The following SPATA13 variants were observed in gnomAD, a reference collection of about 807,000 sequenced individuals.
SPATA13 encodes the protein spermatogenesis associated 13.
In SPATA13, 50 loss-of-function variants were observed where a neutral mutation model predicts 104.0. That is an observed-to-expected ratio of 0.48 (90% CI 0.38 to 0.61). The LOEUF (loss-of-function observed/expected upper bound fraction) is 0.61, where lower values mean the gene tolerates loss of function less well. Among genes scored for constraint, SPATA13 ranks in the 20% least tolerant of loss-of-function variants. SPATA13 has a pLI of 0.00. For synonymous variants in SPATA13, 606 were observed against 667.5 expected (o/e 0.91, Z 1.42); for missense variants, 1,524 against 1,690.6 (o/e 0.90, Z 1.73).
rs1017278128 is a variant in SPATA13, at chr13:24,088,872, C to T, written c.-112+71171C>T. Reference sequence around the variant, plus strand: ...GTCCCCAAGGCTGGCTCCAGGAAAGCGCAAGCAAGGGCTCCTGGGTCCACT... The same window carrying T: ...GTCCCCAAGGCTGGCTCCAGGAAAGTGCAAGCAAGGGCTCCTGGGTCCACT... On this transcript the variant is annotated intron_variant, in intron 3 of 14. Transcript: ENST00000424834. The surrounding 1 kb of genome is among the most constrained non-coding windows in gnomAD (Gnocchi z 4.3). 1.3e-5 allele frequency among the ~76,000 whole-genome samples: 2 copies of T among 152,128 alleles called. No individual in the cohort carries two copies. Among genetic ancestry groups the T allele is most frequent in the East Asian group, 1.9e-4 (1 of 5,194 alleles).
At position 24,103,616 on chromosome 13, in the gene SPATA13, T is replaced by C. The variant is rs144478923; in HGVS notation, c.-112+85915T>C. Reference sequence around the variant, plus strand: ...AGCACCAAAATGTTACTTAAACATATAGCTTGTATAACTGTCTATATATAA... The same window carrying C: ...AGCACCAAAATGTTACTTAAACATACAGCTTGTATAACTGTCTATATATAA... On this transcript the variant is annotated intron_variant, in intron 3 of 14. Transcript: ENST00000424834. 2.4e-3 allele frequency among the ~76,000 whole-genome samples: 371 copies of C among 151,810 alleles called. 2 individuals carry two copies. Among genetic ancestry groups the C allele is most frequent in the African/African-American group, 8.6e-3 (356 of 41,382 alleles).
chr13:23,995,803 A>C (rs964870819), intron 2 of SPATA13, among the ~76,000 whole-genome samples: 1 of 151,534 alleles, frequency 6.6e-6, no homozygotes, highest in African/African-American at 2.4e-5. Flanking sequence ...GAAGGGCATA[A>C]AAATTCAGAT....
At chr13:24,234,223 G>C (rs1426770769) in intron 2 of SPATA13, among the ~76,000 whole-genome samples, 2 of 152,178 alleles carry the variant, frequency 1.3e-5, no homozygotes, top group Non-Finnish European at 2.9e-5. Flanking sequence ...TTTAAGAAAT[G>C]ATAGGAAGCA....
chr13:24,140,735 A>G, intron 3 of SPATA13, among the ~76,000 whole-genome samples: 1 of 152,242 alleles, frequency 6.6e-6, no homozygotes, highest in East Asian at 1.9e-4. Context: ...GTATTATATA[A>G]TGAAGTGAAC....
In SPATA13 at chr13:24,065,829, A is replaced by G. The variant is rs527454309; in HGVS notation, c.-112+48128A>G. Among the ~76,000 whole-genome samples, 121 of 152,318 alleles carry G rather than the reference A, an allele frequency of 7.9e-4. 1 individual carries two copies. The highest frequency in any genetic ancestry group is 1.5e-3 in the Non-Finnish European group (104 of 68,034). On this transcript the variant is annotated intron_variant, in intron 3 of 14. Coordinates refer to the SPATA13 transcript ENST00000424834. ...GTCATTCTCAACTAAGTTTTTAAAA[A>G]TATTTCTAAGTTCTAAAGCATGGGC...
intron 3 of SPATA13, among the ~76,000 whole-genome samples, chr13:24,037,344 A>C (rs925906566): frequency 6.6e-6 from 1 of 151,972 alleles, no homozygotes; most frequent in African/African-American, 2.4e-5. Context: ...CTAGAACTTA[A>C]AGTATAATTT....
At chr13:24,243,497 G>A (rs1042331478) in intron 2 of SPATA13, among the ~76,000 whole-genome samples, 2 of 152,230 alleles carry the variant, frequency 1.3e-5, no homozygotes, top group Non-Finnish European at 2.9e-5. Context: ...GAGAGGCAGA[G>A]GTTTTGAAGC....
chr13:24,241,414 G>A (rs1179870098), intron 2 of SPATA13, among the ~76,000 whole-genome samples: 5 of 151,912 alleles, frequency 3.3e-5, no homozygotes, highest in African/African-American at 4.8e-5. Flanking sequence ...TTGAACAGGC[G>A]CATTTGTGAG....
chr13:24,138,789 G>T (rs917386043), intron 3 of SPATA13, among the ~76,000 whole-genome samples: 3 of 138,450 alleles, frequency 2.2e-5, no homozygotes, highest in Non-Finnish European at 4.5e-5. Context: ...ATGGGCTCTC[G>T]CTATGTTGCT....
chr13:24,099,566 G>T (rs867402961), intron 3 of SPATA13, among the ~76,000 whole-genome samples: 4 of 152,188 alleles, frequency 2.6e-5, no homozygotes, highest in Non-Finnish European at 5.9e-5. Flanking sequence ...ACAAGCACTG[G>T]CCTCACAGCG....
intron 1 of SPATA13, among the ~76,000 whole-genome samples, chr13:24,215,843 C>G (rs1180108208): frequency 6.6e-6 from 1 of 152,122 alleles, no homozygotes; most frequent in Non-Finnish European, 1.5e-5. Context: ...TTAGGGCCAT[C>G]CATCTGGAAA....
At chr13:24,140,036 G>T (rs2031157) in intron 3 of SPATA13, among the ~76,000 whole-genome samples, 143,364 of 150,628 alleles carry the variant, frequency 0.95, 68,250 homozygotes, top group South Asian at 0.97. Context: ...GCCACTGCAC[G>T]CCAGCCTGGG....
Position 24,287,000 on chromosome 13 carries a change from T to G in SPATA13, c.2667+50T>G. The G allele has an allele frequency of 6.5e-7, 1 of 1,547,586 alleles. No individual in the cohort carries two copies. Among genetic ancestry groups the G allele is most frequent in the East Asian group, 2.3e-5 (1 of 43,784 alleles). On this transcript the variant is annotated intron_variant, in intron 7 of 12. Transcript: ENST00000382108. The surrounding 1 kb of genome is among the most constrained non-coding windows in gnomAD (Gnocchi z 4.9). ...CTGAGGGTCACAGTATGAGGCTGCA[T>G]GAGGTGCCTGGGCTTTCTCCCCACC... is the stretch of plus-strand genomic sequence containing the variant.
At chr13:24,115,439 C>T (rs1471939518) in intron 3 of SPATA13, among the ~76,000 whole-genome samples, 2 of 152,264 alleles carry the variant, frequency 1.3e-5, no homozygotes, top group Admixed American at 1.3e-4. Context: ...TCATCAGGGG[C>T]ATTAGATTCT....
chr13:24,294,747 G>A lies in SPATA13; in HGVS notation c.3089G>A (p.Ser1030Asn). ...KYTTQEHGDYSNIKAAYEAMK... is the reference protein window; with the variant it reads ...KYTTQEHGDYNNIKAAYEAMK... Reference sequence around the variant, plus strand: ...AACCTCCCATCTTGCAGTGATTACAGCAACATAAAGGCAGCATATGAGGCC... The same window carrying A: ...AACCTCCCATCTTGCAGTGATTACAACAACATAAAGGCAGCATATGAGGCC... The change falls in exon 10 of 13, where the codon AGC (serine) becomes AAC (asparagine). Residue 1030 changes from serine (S) to asparagine (N), a missense_variant. Coordinates refer to ENST00000382108, the MANE Select transcript of SPATA13 (RefSeq NM_001166271.3). The A allele has an allele frequency of 6.3e-7, 1 of 1,589,986 alleles. No homozygotes were observed. The highest frequency in any genetic ancestry group is 1.1e-5 in the South Asian group (1 of 90,066).
rs186308098 is a variant in SPATA13 at position 24,242,582 on chromosome 13, C to G, written c.1654-6895C>G. Among the ~76,000 whole-genome samples the G allele has an allele frequency of 8.9e-4, 136 of 152,226 alleles. 2 individuals carry two copies. Among genetic ancestry groups the G allele is most frequent in the Middle Eastern group, 3.4e-3 (1 of 294 alleles). On this transcript the variant is annotated intron_variant, in intron 2 of 12. Transcript: ENST00000382108. ...TTCAGTAAATCCATTGTCTTCTCATCGTAAAATGGGGGTAATTACGTCTTC... is the reference window on the plus strand; with the variant it reads ...TTCAGTAAATCCATTGTCTTCTCATGGTAAAATGGGGGTAATTACGTCTTC...
At chr13:24,085,545 A>G (rs548876728) in intron 3 of SPATA13, among the ~76,000 whole-genome samples, 2 of 152,160 alleles carry the variant, frequency 1.3e-5, no homozygotes, top group Non-Finnish European at 2.9e-5. Context: ...AAATCAGCTC[A>G]AAGGAGGACG....
intron 2 of SPATA13, among the ~76,000 whole-genome samples, chr13:23,993,188 C>T (rs1875495470): frequency 6.6e-6 from 1 of 152,228 alleles, no homozygotes; most frequent in African/African-American, 2.4e-5. Context: ...CCCACTGTGG[C>T]AGCTGGGGTT....
rs1371876337 is a variant in SPATA13 at position 24,286,768 on chromosome 13, C to T, written c.2485C>T (p.Arg829Ter). The T allele has an allele frequency of 5.0e-6, 8 of 1,613,214 alleles. No homozygotes were observed. The highest frequency in any genetic ancestry group is 2.7e-5 in the African/African-American group (2 of 74,828). Reference sequence around the variant, plus strand: ...GTCCCCTGTATGTGGGTTGCAGTTGCGAGTGAATCAGGAAGAGCTGTCGGA... The same window carrying T: ...GTCCCCTGTATGTGGGTTGCAGTTGTGAGTGAATCAGGAAGAGCTGTCGGA... ...AWFPASFVRLRVNQEELSENS... is the reference protein window; with the variant it reads ...AWFPASFVRL Residue 829 changes from arginine to a stop codon, truncating the protein, a stop_gained, in exon 7 of 13, where the codon CGA (arginine) becomes TGA (stop). Coordinates refer to ENST00000382108, the MANE Select transcript of SPATA13 (RefSeq NM_001166271.3). LOFTEE classifies it high-confidence loss of function. The surrounding 1 kb of genome is among the most constrained non-coding windows in gnomAD (Gnocchi z 4.9).
Sources: allele counts gnomAD v4.1 joint callset (sites outside exome capture counted in the v4.1 genomes callset), GRCh38; gene constraint gnomAD v4.1.1; non-coding constraint Gnocchi (gnomAD v3.1); transcripts MANE v1.5; gene names NCBI Gene and HGNC (gene_info 2026-07-23, HGNC 2026-07-21).